Variants in FILIP1L observed in about 807,000 individuals in gnomAD.
FILIP1L encodes filamin A interacting protein 1 like, also known as filamin A-interacting protein 1-like.
Under a neutral mutation model 96.6 loss-of-function variants are expected in FILIP1L, and 55 were observed. The observed-to-expected ratio is 0.57, with a 90% CI of 0.46 to 0.71. The LOEUF (loss-of-function observed/expected upper bound fraction) is 0.71, where lower values mean the gene tolerates loss of function less well. Ranked by LOEUF, FILIP1L falls within the 30% of genes least tolerant of loss-of-function variation. The probability of loss-of-function intolerance (pLI) is 0.00; values close to 1 mark genes in which losing one functional copy is unlikely to be tolerated. For synonymous variants in FILIP1L, 467 were observed against 473.9 expected, an observed-to-expected ratio of 0.99 and a Z score of 0.19; for missense variants, 1,304 against 1,321.2, an observed-to-expected ratio of 0.99 and a Z score of 0.20.
chr3:99,861,847 G>A (rs1347222421), intron 4 of FILIP1L, among the ~76,000 whole-genome samples: 3 of 152,128 alleles, frequency 2.0e-5, no homozygotes, highest in East Asian at 1.9e-4. Context: ...GCTGAATCCC[G>A]GCTTTCCAAC....
chr3:99,978,350 A>G (rs1474802941), intron 1 of FILIP1L, among the ~76,000 whole-genome samples: 10 of 152,238 alleles, frequency 6.6e-5, no homozygotes, highest in Non-Finnish European at 1.2e-4. Context: ...TTATTGCAGC[A>G]CTATTCACAA....
At chr3:100,113,422 G>T (rs771217481) in intron 1 of FILIP1L, among the ~76,000 whole-genome samples, 4 of 152,168 alleles carry the variant, frequency 2.6e-5, no homozygotes, top group Non-Finnish European at 5.9e-5. Flanking sequence ...TTCTTGATAG[G>T]TATCTCCCAA....
intron 1 of FILIP1L, among the ~76,000 whole-genome samples, chr3:99,958,534 C>G (rs1708403745): frequency 6.6e-6 from 1 of 152,082 alleles, no homozygotes; most frequent in Non-Finnish European, 1.5e-5. Context: ...ATGTATGTGC[C>G]ACAGAAGGGT....
chr3:99,843,802 G>A (rs937563798), intron 5 of FILIP1L, among the ~76,000 whole-genome samples: 4 of 152,144 alleles, frequency 2.6e-5, no homozygotes, highest in Non-Finnish European at 4.4e-5. Context: ...CAGAAGGTGA[G>A]TGGCAGGCAA....
intron 1 of FILIP1L, among the ~76,000 whole-genome samples, chr3:100,110,543 C>T (rs1206541481): frequency 6.6e-6 from 1 of 152,120 alleles, no homozygotes; most frequent in Non-Finnish European, 1.5e-5. Flanking sequence ...TTACAACAAA[C>T]TTTAAATACA....
chr3:99,915,444 G>A (rs1163880137), intron 4 of FILIP1L, among the ~76,000 whole-genome samples: 1 of 152,094 alleles, frequency 6.6e-6, no homozygotes, highest in African/African-American at 2.4e-5. Flanking sequence ...ATTAGTGTGA[G>A]GATTTTTGAC....
At chr3:99,974,034 C>G (rs1218365518) in intron 1 of FILIP1L, among the ~76,000 whole-genome samples, 2 of 152,240 alleles carry the variant, frequency 1.3e-5, no homozygotes, top group African/African-American at 4.8e-5. Context: ...CCAATTCCTT[C>G]CAAGTTTAAG....
chr3:99,932,266 G>A (rs1012268641), intron 1 of FILIP1L, among the ~76,000 whole-genome samples: 1 of 151,868 alleles, frequency 6.6e-6, no homozygotes. Context: ...TTAAAAACAT[G>A]TACATATATA....
chr3:99,983,672 T>A (rs1399107949), intron 1 of FILIP1L, among the ~76,000 whole-genome samples: 20 of 144,448 alleles, frequency 1.4e-4, no homozygotes, highest in African/African-American at 4.9e-4. Flanking sequence ...CCTGGGTGAC[T>A]GAGCAAGACT....
At chr3:100,057,840 G>A (rs138768361) in intron 1 of FILIP1L, among the ~76,000 whole-genome samples, 1 of 152,250 alleles carries the variant, frequency 6.6e-6, no homozygotes, top group African/African-American at 2.4e-5. Context: ...CCTCATCCTT[G>A]TTTAGAATTA....
chr3:100,012,761 CTTTTTTTTT>C (rs35737304), intron 1 of FILIP1L, among the ~76,000 whole-genome samples: 1 of 93,614 alleles, frequency 1.1e-5, no homozygotes, highest in Non-Finnish European at 2.3e-5. Flanking sequence ...GAAGCATATT[CTTTTTTTTT>C]TTTTTTTTTG....
At chr3:100,027,135 G>T (rs141972947) in intron 1 of FILIP1L, among the ~76,000 whole-genome samples, 1 of 151,976 alleles carries the variant, frequency 6.6e-6, no homozygotes, top group Non-Finnish European at 1.5e-5. Context: ...TTACACACAT[G>T]AATACACACA....
At chr3:100,037,237 T>A (rs1248682839) in intron 1 of FILIP1L, among the ~76,000 whole-genome samples, 2 of 152,082 alleles carry the variant, frequency 1.3e-5, no homozygotes, top group African/African-American at 4.8e-5. Flanking sequence ...ATTGTAATAT[T>A]TAGAGGCAAA....
At chr3:100,100,748 A>C (rs1349908796) in intron 1 of FILIP1L, among the ~76,000 whole-genome samples, 4 of 152,154 alleles carry the variant, frequency 2.6e-5, no homozygotes, top group Non-Finnish European at 5.9e-5. Flanking sequence ...TAGCATCACT[A>C]AGATATCTGG....
intron 1 of FILIP1L, among the ~76,000 whole-genome samples, chr3:100,058,152 A>T (rs1344597577): frequency 2.0e-5 from 3 of 152,246 alleles, no homozygotes; most frequent in Non-Finnish European, 2.9e-5. Context: ...TGACTGGCAG[A>T]ACCAAGACTG....
At chr3:100,075,697 A>C (rs994254791) in intron 1 of FILIP1L, 2 of 152,064 alleles carry the variant, frequency 1.3e-5, no homozygotes, top group African/African-American at 2.4e-5. Flanking sequence ...ATTACACAAC[A>C]TGGTAATAAC....
At chr3:100,075,072 A>G (rs193027822) in intron 1 of FILIP1L, among the ~76,000 whole-genome samples, 26 of 151,776 alleles carry the variant, frequency 1.7e-4, no homozygotes, top group African/African-American at 5.3e-4. Flanking sequence ...TTTTTTTAGG[A>G]TATATTTTAT....
At chr3:99,984,116 T>C (rs997585975) in intron 1 of FILIP1L, among the ~76,000 whole-genome samples, 1 of 146,500 alleles carries the variant, frequency 6.8e-6, no homozygotes, top group Non-Finnish European at 1.5e-5. Context: ...TGCTCAGGTA[T>C]GAAATAATTG....
intron 1 of FILIP1L, among the ~76,000 whole-genome samples, chr3:100,070,570 A>G (rs1034958958): frequency 6.6e-6 from 1 of 152,196 alleles, no homozygotes; most frequent in Non-Finnish European, 1.5e-5. Flanking sequence ...GATACTGCCC[A>G]TCCCCATCAA....
Sources: gnomAD v4.1 joint callset for allele counts (sites outside exome capture counted in the v4.1 genomes callset) on GRCh38, gnomAD v4.1.1 for gene constraint, MANE v1.5 for transcripts, NCBI Gene and HGNC (gene_info 2026-07-23, HGNC 2026-07-21) for gene names.